The following DYRK1A variants were observed in gnomAD, a reference collection of about 807,000 sequenced individuals.
The protein encoded by DYRK1A is dual specificity tyrosine phosphorylation regulated kinase 1A.
In DYRK1A, 9 loss-of-function variants were observed where a neutral mutation model predicts 79.7. The observed-to-expected ratio is 0.11, with a 90% CI of 0.07 to 0.20. The LOEUF (loss-of-function observed/expected upper bound fraction) is 0.20, where lower values mean the gene tolerates loss of function less well. DYRK1A is among the 10% of genes least tolerant of loss of function. The pLI, the probability that DYRK1A is intolerant of heterozygous loss-of-function variation, is 1.00. For missense variants in DYRK1A, 622 were observed against 956.0 expected (o/e 0.65, Z 4.61); for synonymous variants, 349 against 329.7 (o/e 1.06, Z -0.63).
intron 1 of DYRK1A, among the ~76,000 whole-genome samples, chr21:37,401,291 T>C (rs1569293680): frequency 6.6e-6 from 1 of 152,176 alleles, no homozygotes; most frequent in East Asian, 1.9e-4. Context: ...TGTTCACACT[T>C]AGAAAGGTGC....
Position 37,519,736 on chromosome 21 carries a change from G to GTTTTTTTTTTTTTTTT in DYRK1A, c.*7213_*7228dup, listed in dbSNP as rs10590534. ...AGAGTTTTGAGGTTTGTTGTGGGAA[G>GTTTTTTTTTTTTTTTT]TTTTTTTTTTTTTTTTTTTTTTTGA... On this transcript the variant is annotated 3_prime_UTR_variant, in exon 12 of 12. Transcript: ENST00000647188. 4.7e-5 allele frequency: 4 copies of GTTTTTTTTTTTTTTTT among 85,790 alleles called. No homozygotes were observed. Among genetic ancestry groups the GTTTTTTTTTTTTTTTT allele is most frequent in the African/African-American group, 1.5e-4 (3 of 20,568 alleles). The allele number at this position is 85,790 out of a possible 1,614,324, so 5.3% of individuals were successfully genotyped here.
intron 9 of DYRK1A, among the ~76,000 whole-genome samples, chr21:37,497,217 C>T (rs1285839688): frequency 6.6e-6 from 1 of 152,200 alleles, no homozygotes; most frequent in Non-Finnish European, 1.5e-5. Flanking sequence ...TAATTCACCT[C>T]CACACAGCTA....
chr21:37,454,904 T>A (rs2051584099), intron 2 of DYRK1A, among the ~76,000 whole-genome samples: 1 of 152,200 alleles, frequency 6.6e-6, no homozygotes, highest in Admixed American at 6.5e-5. Context: ...GTGAGATTGG[T>A]CTTATCTCTT....
intron 2 of DYRK1A, among the ~76,000 whole-genome samples, chr21:37,460,757 A>G (rs1331983492): frequency 6.6e-6 from 1 of 152,146 alleles, no homozygotes; most frequent in Non-Finnish European, 1.5e-5. Context: ...AAGAAAAACT[A>G]TTTCTCTACC....
At chr21:37,462,033 C>T (rs965991951) in intron 2 of DYRK1A, among the ~76,000 whole-genome samples, 2 of 151,832 alleles carry the variant, frequency 1.3e-5, no homozygotes, top group East Asian at 1.9e-4. Flanking sequence ...AGTTCCTTTT[C>T]GTAGATTCTA....
At chr21:37,454,238 G>A (rs1438510929) in intron 2 of DYRK1A, among the ~76,000 whole-genome samples, 4 of 151,714 alleles carry the variant, frequency 2.6e-5, no homozygotes, top group Admixed American at 6.6e-5. Context: ...GACTATAGGC[G>A]TGCGCTACCA....
intron 2 of DYRK1A, among the ~76,000 whole-genome samples, chr21:37,470,033 C>A (rs191598136): frequency 0.073 from 11,139 of 152,086 alleles, 1,352 homozygotes; most frequent in African/African-American, 0.25. Context: ...AGTCCCAGCT[C>A]CTCGGGAGGC....
At chr21:37,462,854 C>T (rs1337477015) in intron 2 of DYRK1A, among the ~76,000 whole-genome samples, 1 of 152,144 alleles carries the variant, frequency 6.6e-6, no homozygotes. Flanking sequence ...CACGATTCTG[C>T]ACTGCCTGTT....
At chr21:37,457,037 C>T (rs13048484) in intron 2 of DYRK1A, among the ~76,000 whole-genome samples, 1,059 of 59,212 alleles carry the variant, frequency 0.018, 11 homozygotes, top group East Asian at 0.059. Flanking sequence ...TACTTACTTA[C>T]TTATTTATTT....
chr21:37,426,156 A>C (rs1436214716), intron 2 of DYRK1A, among the ~76,000 whole-genome samples: 1 of 152,202 alleles, frequency 6.6e-6, no homozygotes, highest in Non-Finnish European at 1.5e-5. Flanking sequence ...ATGTCAGATG[A>C]AAGTGGGAGA....
intron 9 of DYRK1A, chr21:37,501,264 A>AGGGTC (rs996606541): frequency 6.9e-6 from 1 of 145,676 alleles, no homozygotes; most frequent in African/African-American, 2.6e-5. Flanking sequence ...TCCGCCTCCC[A>AGGGTC]GGGTCAAGCA....
At chr21:37,506,352 AATGTAAGTATTTATCATAGAG>A in intron 11 of DYRK1A, 129 bp downstream of exon 11, 1 of 1,570,890 alleles carries the variant, frequency 6.4e-7, no homozygotes, top group Non-Finnish European at 8.7e-7. Flanking sequence ...TGTCTAAGGA[AATGTAAGTATTTATCATAGAG>A]AAGCACATTC....
chr21:37,480,219 T>G (rs2052588062), intron 4 of DYRK1A, among the ~76,000 whole-genome samples: 1 of 152,244 alleles, frequency 6.6e-6, no homozygotes, highest in South Asian at 2.1e-4. Context: ...AATATAAAGT[T>G]GGGATTGACT....
At chr21:37,367,874 C>G (rs1438025958) in intron 1 of DYRK1A, 1 of 152,124 alleles carries the variant, frequency 6.6e-6, no homozygotes, top group African/African-American at 2.4e-5. Context: ...TCCCGGGAGC[C>G]GGGGCCTGGG....
intron 1 of DYRK1A, among the ~76,000 whole-genome samples, chr21:37,379,543 A>G (rs2049614429): frequency 6.6e-6 from 1 of 152,192 alleles, no homozygotes; most frequent in African/African-American, 2.4e-5. Flanking sequence ...AACTGAAGAT[A>G]GAATTATTAT....
chr21:37,383,732 C>G (rs756960250), intron 1 of DYRK1A, among the ~76,000 whole-genome samples: 3 of 151,876 alleles, frequency 2.0e-5, no homozygotes, highest in Non-Finnish European at 4.4e-5. Context: ...AGCTTATGTT[C>G]CATTGTAAGA....
chr21:37,495,705 C>G (rs2053246951), intron 8 of DYRK1A, among the ~76,000 whole-genome samples: 1 of 152,120 alleles, frequency 6.6e-6, no homozygotes, highest in African/African-American at 2.4e-5. Context: ...GAGAGGATCA[C>G]TTGAGCCTGG....
intron 1 of DYRK1A, among the ~76,000 whole-genome samples, chr21:37,394,404 CATCTT>C (rs2148391474): frequency 6.6e-6 from 1 of 152,220 alleles, no homozygotes; most frequent in Non-Finnish European, 1.5e-5. Context: ...GAACTGTACT[CATCTT>C]GATACGGATC....
At chr21:37,422,727 A>G (rs898887551) in intron 2 of DYRK1A, among the ~76,000 whole-genome samples, 7 of 152,250 alleles carry the variant, frequency 4.6e-5, no homozygotes, top group South Asian at 2.1e-4. Context: ...TTCATTTTGT[A>G]TATGTGTATC....
Sources: gnomAD v4.1 joint callset for allele counts (sites outside exome capture counted in the v4.1 genomes callset) on GRCh38, gnomAD v4.1.1 for gene constraint, MANE v1.5 for transcripts, NCBI Gene and HGNC (gene_info 2026-07-23, HGNC 2026-07-21) for gene names.